Variants in SYT9 observed in about 807,000 individuals in gnomAD.
SYT9 encodes the protein synaptotagmin-9.
SYT9 carries 22 observed loss-of-function variants against 48.4 expected under a neutral mutation model. That is an observed-to-expected ratio of 0.45 (90% confidence interval 0.32 to 0.65). The LOEUF is 0.65. Ranked by LOEUF, SYT9 falls within the 30% of genes least tolerant of loss-of-function variation. The pLI, the probability that SYT9 is intolerant of heterozygous loss-of-function variation, is 0.03. For synonymous variants in SYT9, 265 were observed against 245.0 expected (o/e 1.08, Z -0.76); for missense variants, 577 against 622.0 (o/e 0.93, Z 0.77).
chr11:7,442,986 CAGAG>C (rs146201164), intron 6 of SYT9, among the ~76,000 whole-genome samples: 5 of 150,666 alleles, frequency 3.3e-5, no homozygotes, highest in African/African-American at 9.8e-5. Flanking sequence ...GGGAGAAAAG[CAGAG>C]AGAGAGAGAG....
At chr11:7,400,942 G>C (rs1846877561) in intron 3 of SYT9, among the ~76,000 whole-genome samples, 2 of 152,082 alleles carry the variant, frequency 1.3e-5, no homozygotes, top group African/African-American at 4.8e-5. Flanking sequence ...CAGGTATTCT[G>C]GTGATGCTAG....
intron 3 of SYT9, among the ~76,000 whole-genome samples, chr11:7,411,343 A>G (rs1387330965): frequency 1.3e-5 from 2 of 151,756 alleles, no homozygotes; most frequent in African/African-American, 4.8e-5. Context: ...TGAGTTTTAT[A>G]CTTTGATGTG....
At chr11:7,457,716 T>C (rs1590044215) in intron 6 of SYT9, 1 of 152,130 alleles carries the variant, frequency 6.6e-6, no homozygotes. Flanking sequence ...GCAGTGAAGG[T>C]CCCAGTCATC....
At chr11:7,275,500 TC>T (rs2133893561) in intron 1 of SYT9, among the ~76,000 whole-genome samples, 1 of 152,348 alleles carries the variant, frequency 6.6e-6, no homozygotes, top group Admixed American at 6.5e-5. Context: ...TTCATGGGTT[TC>T]TTTTCTTCTA....
chr11:7,390,397 G>GACAT (rs1850740907), intron 3 of SYT9, among the ~76,000 whole-genome samples: 2 of 152,082 alleles, frequency 1.3e-5, no homozygotes, highest in Admixed American at 1.3e-4. Context: ...AGCCCTTAAT[G>GACAT]ACATACTCAA....
intron 1 of SYT9, among the ~76,000 whole-genome samples, chr11:7,260,672 C>T (rs1848061985): frequency 6.6e-6 from 1 of 152,156 alleles, no homozygotes; most frequent in Admixed American, 6.5e-5. Context: ...AAAATATACT[C>T]AGGTTACTGG....
intron 4 of SYT9, among the ~76,000 whole-genome samples, chr11:7,416,466 T>C (rs572952224): frequency 6.6e-6 from 1 of 152,256 alleles, no homozygotes; most frequent in Non-Finnish European, 1.5e-5. Context: ...TTAATTATTG[T>C]TATTATTACA....
chr11:7,396,652 G>A (rs1846758755), intron 3 of SYT9, among the ~76,000 whole-genome samples: 1 of 152,126 alleles, frequency 6.6e-6, no homozygotes, highest in Non-Finnish European at 1.5e-5. Flanking sequence ...ATGTGTAATT[G>A]TAAGGGAAAC....
chr11:7,451,743 G>T (rs1412521098), intron 6 of SYT9, among the ~76,000 whole-genome samples: 1 of 152,200 alleles, frequency 6.6e-6, no homozygotes, highest in Non-Finnish European at 1.5e-5. Context: ...ATGTGGGGTT[G>T]TTGGCTGCTA....
chr11:7,407,795 A>G (rs1319082326), intron 3 of SYT9, among the ~76,000 whole-genome samples: 1 of 152,190 alleles, frequency 6.6e-6, no homozygotes, highest in Non-Finnish European at 1.5e-5. Flanking sequence ...TGAAGAATGT[A>G]TTCTTTCTCC....
chr11:7,386,849 G>A lies in SYT9; in HGVS notation c.1045-29193G>A, dbSNP rs987846724. Among the ~76,000 whole-genome samples the A allele has an allele frequency of 9.9e-5, 15 of 152,160 alleles. No homozygotes were observed. In the East Asian group the frequency reaches 1.2e-3, roughly 12 times the overall value. On this transcript the variant is annotated intron_variant, in intron 3 of 6. Transcript: ENST00000318881. ...TGCTGCTGTAAAGACACATGTACAC[G>A]TATGTTTATTGCGGCACTATTCACA...
At chr11:7,246,713 T>C (rs1449699586) in intron 1 of SYT9, among the ~76,000 whole-genome samples, 1 of 152,216 alleles carries the variant, frequency 6.6e-6, no homozygotes, top group Non-Finnish European at 1.5e-5. Flanking sequence ...CACCATTTTA[T>C]TGCTCATGAT....
intron 6 of SYT9, among the ~76,000 whole-genome samples, chr11:7,430,918 T>A (rs1297133820): frequency 6.6e-6 from 1 of 152,236 alleles, no homozygotes; most frequent in Non-Finnish European, 1.5e-5. Flanking sequence ...GTCCCAGGTA[T>A]TTCTTTATAG....
At chr11:7,396,162 C>G (rs1846747766) in intron 3 of SYT9, among the ~76,000 whole-genome samples, 1 of 152,024 alleles carries the variant, frequency 6.6e-6, no homozygotes, top group Non-Finnish European at 1.5e-5. Context: ...ATCATGTAAA[C>G]ATTGTCATGA....
At chr11:7,352,134 T>G (rs1463831530) in intron 3 of SYT9, among the ~76,000 whole-genome samples, 1 of 152,220 alleles carries the variant, frequency 6.6e-6, no homozygotes, top group African/African-American at 2.4e-5. Flanking sequence ...TATGTGTTTG[T>G]GAAGTGCTGT....
chr11:7,376,139 T>A (rs188045718), intron 3 of SYT9, among the ~76,000 whole-genome samples: 1 of 152,090 alleles, frequency 6.6e-6, no homozygotes, highest in Non-Finnish European at 1.5e-5. Flanking sequence ...CACATTCTTA[T>A]TCACCTCTGC....
intron 2 of SYT9, 102 bp from the exon 3 acceptor site, chr11:7,313,293 C>T (rs1318580191): frequency 1.8e-5 from 22 of 1,254,820 alleles, no homozygotes; most frequent in East Asian, 2.5e-5. Flanking sequence ...GATCTAAGCT[C>T]CTGACAAAAT....
intron 3 of SYT9, 47 bp from the exon 4 acceptor site, chr11:7,415,995 C>T: frequency 1.2e-6 from 2 of 1,612,488 alleles, no homozygotes; most frequent in Non-Finnish European, 1.7e-6. Context: ...TCTTGCACAC[C>T]AGGCTGGAGA....
chr11:7,240,346 C>T (rs1847728211), intron 1 of SYT9, among the ~76,000 whole-genome samples: 1 of 152,112 alleles, frequency 6.6e-6, no homozygotes, highest in South Asian at 2.1e-4. Flanking sequence ...GTGAGTTTCA[C>T]TGTCAATTGA....
Sources: gnomAD v4.1 joint callset for allele counts (sites outside exome capture counted in the v4.1 genomes callset) on GRCh38, gnomAD v4.1.1 for gene constraint, MANE v1.5 for transcripts, NCBI Gene and HGNC (gene_info 2026-07-23, HGNC 2026-07-21) for gene names.